Variants in SGCD observed in about 807,000 individuals in gnomAD.
The protein encoded by SGCD is delta-sarcoglycan.
SGCD carries 18 observed loss-of-function variants against 36.6 expected under a neutral mutation model. The observed-to-expected ratio is 0.49, with a 90% confidence interval of 0.34 to 0.73. The LOEUF is 0.73. SGCD is among the 30% of genes least tolerant of loss of function. SGCD has a pLI of 0.01. For missense variants in SGCD, 387 were observed against 346.7 expected, an observed-to-expected ratio of 1.12 and a Z score of -0.92; for synonymous variants, 133 against 130.6, an observed-to-expected ratio of 1.02 and a Z score of -0.12.
chr5:156,179,677 A>C lies in SGCD; in HGVS notation c.-44+55658A>C, dbSNP rs549988434. Among the ~76,000 whole-genome samples the C allele has an allele frequency of 2.8e-5, 4 of 145,394 alleles. No homozygotes were observed. In the South Asian group the frequency reaches 8.6e-4, roughly 31 times the overall value. On this transcript the variant is annotated intron_variant, in intron 3 of 9. Transcript: ENST00000517913. ...CACTCTATTGCCCAGGCTGGAGTGC[A>C]CTGGCGTGATCTCGGCTCACTGGAA... is the stretch of plus-strand genomic sequence containing the variant.
chr5:156,020,794 C>A (rs1001786747), intron 1 of SGCD, among the ~76,000 whole-genome samples: 1 of 149,466 alleles, frequency 6.7e-6, no homozygotes, highest in Non-Finnish European at 1.5e-5. Flanking sequence ...TCATTTAGTT[C>A]TCATAACAAC....
At chr5:156,371,829 G>A (rs1470959852) in intron 3 of SGCD, among the ~76,000 whole-genome samples, 1 of 152,184 alleles carries the variant, frequency 6.6e-6, no homozygotes, top group East Asian at 1.9e-4. Flanking sequence ...GGGCCTGATG[G>A]TTTATAGCAC....
intron 1 of SGCD, among the ~76,000 whole-genome samples, chr5:155,944,249 C>A (rs1344474510): frequency 1.3e-5 from 2 of 152,070 alleles, no homozygotes; most frequent in Non-Finnish European, 2.9e-5. Context: ...AACCAAAACC[C>A]AAACAAAGGA....
At chr5:156,555,913 AT>A (rs1326652592) in intron 4 of SGCD, among the ~76,000 whole-genome samples, 2 of 150,436 alleles carry the variant, frequency 1.3e-5, no homozygotes, top group Non-Finnish European at 2.9e-5. Flanking sequence ...TGTTAAACAT[AT>A]TTCTAAGTAT....
chr5:156,601,640 A>C (rs1333351157), intron 6 of SGCD, among the ~76,000 whole-genome samples: 1 of 151,634 alleles, frequency 6.6e-6, no homozygotes, highest in Non-Finnish European at 1.5e-5. Flanking sequence ...GAATTTTAGA[A>C]TTTTTTTCCT....
At chr5:156,495,030 G>A (rs1756121321) in intron 3 of SGCD, among the ~76,000 whole-genome samples, 1 of 152,104 alleles carries the variant, frequency 6.6e-6, no homozygotes, top group Non-Finnish European at 1.5e-5. Flanking sequence ...GTGGGGAGGA[G>A]AGAAAGTCAT....
At chr5:156,177,011 T>A (rs75943568) in intron 3 of SGCD, among the ~76,000 whole-genome samples, 4,244 of 152,280 alleles carry the variant, frequency 0.028, 168 homozygotes, top group African/African-American at 0.086. Context: ...ATTTTTTATT[T>A]ATTTTTTTGA....
chr5:156,439,622 T>A (rs1753396769), intron 3 of SGCD, among the ~76,000 whole-genome samples: 1 of 151,990 alleles, frequency 6.6e-6, no homozygotes. Flanking sequence ...ATATCTGCGC[T>A]TTATACATGA....
the SGCD span, among the ~76,000 whole-genome samples, chr5:155,807,366 A>C: frequency 6.6e-6 from 1 of 152,266 alleles, no homozygotes; most frequent in African/African-American, 2.4e-5. Flanking sequence ...CCTTGAAGGC[A>C]AGGGCCACCT....
At chr5:156,198,969 A>G (rs887242500) in intron 3 of SGCD, among the ~76,000 whole-genome samples, 11 of 152,072 alleles carry the variant, frequency 7.2e-5, no homozygotes, top group African/African-American at 2.7e-4. Context: ...TAGCTGGGAT[A>G]TAGGTGCATG....
At chr5:156,226,243 G>A (rs1444523841) in intron 3 of SGCD, among the ~76,000 whole-genome samples, 8 of 151,952 alleles carry the variant, frequency 5.3e-5, no homozygotes, top group Non-Finnish European at 1.0e-4. Flanking sequence ...CCCTGAGTCC[G>A]CAAAGTCCAT....
At chr5:156,623,968 T>A (rs112986777) in intron 6 of SGCD, among the ~76,000 whole-genome samples, 4 of 152,280 alleles carry the variant, frequency 2.6e-5, no homozygotes, top group African/African-American at 9.6e-5. Context: ...AAGATACATC[T>A]CTCTTTAGCA....
chr5:155,995,941 T>C (rs1758531263), intron 1 of SGCD, among the ~76,000 whole-genome samples: 1 of 127,948 alleles, frequency 7.8e-6, no homozygotes, highest in African/African-American at 3.1e-5. Flanking sequence ...GTCAAAACTG[T>C]ACAGCTAAGA....
chr5:156,009,121 T>C (rs150273242), intron 1 of SGCD, among the ~76,000 whole-genome samples: 51 of 152,266 alleles, frequency 3.3e-4, no homozygotes, highest in Non-Finnish European at 6.8e-4. Context: ...CTTCAGCAGG[T>C]GGTGACAGCT....
At chr5:155,831,179 C>T in the SGCD span, among the ~76,000 whole-genome samples, 8 of 152,184 alleles carry the variant, frequency 5.3e-5, no homozygotes, top group African/African-American at 1.9e-4. Flanking sequence ...CATCCTTAGT[C>T]CTTAAGCTAC....
rs544318178 is a variant in SGCD, at chr5:156,367,281, T to A, written c.192+22604T>A. Reference sequence around the variant, plus strand: ...GGATGCAGGAAAGGGCATGGAGATATGAATTTCTGCAAAATGATGTGTATT... The same window carrying A: ...GGATGCAGGAAAGGGCATGGAGATAAGAATTTCTGCAAAATGATGTGTATT... On this transcript the variant is annotated intron_variant, in intron 3 of 8. Transcript: ENST00000337851. Among the ~76,000 whole-genome samples the A allele has an allele frequency of 2.6e-5, 4 of 152,322 alleles. No homozygotes were observed. In the East Asian group the frequency reaches 5.8e-4, roughly 22 times the overall value.
chr5:155,993,918 A>G (rs1390000320), intron 1 of SGCD, among the ~76,000 whole-genome samples: 2 of 152,226 alleles, frequency 1.3e-5, no homozygotes, highest in East Asian at 3.8e-4. Context: ...ATGAAAGTCC[A>G]CCAAGGTTCA....
chr5:156,268,840 T>A (rs1000161611), intron 3 of SGCD, among the ~76,000 whole-genome samples: 2 of 152,162 alleles, frequency 1.3e-5, no homozygotes, highest in Admixed American at 1.3e-4. Flanking sequence ...GTGATCCACC[T>A]GCCTCAGCCT....
chr5:155,913,681 C>G (rs1231113615), intron 1 of SGCD, among the ~76,000 whole-genome samples: 4 of 151,758 alleles, frequency 2.6e-5, no homozygotes, highest in African/African-American at 9.7e-5. Context: ...TTCTTCAGAC[C>G]ATGTCAGACA....
Sources: allele counts gnomAD v4.1 joint callset (sites outside exome capture counted in the v4.1 genomes callset), GRCh38; gene constraint gnomAD v4.1.1; transcripts MANE v1.5; gene names NCBI Gene and HGNC (gene_info 2026-07-23, HGNC 2026-07-21).